The following PDXDC1 variants were observed in gnomAD, a reference collection of about 807,000 sequenced individuals.
PDXDC1 encodes the protein pyridoxal-dependent decarboxylase domain-containing protein 1.
Under a neutral mutation model 100.1 loss-of-function variants are expected in PDXDC1, and 42 were observed. The observed-to-expected ratio is 0.42, with a 90% CI of 0.33 to 0.54. The LOEUF is 0.54. PDXDC1 is among the 20% of genes least tolerant of loss of function. The pLI is 0.10. For missense variants in PDXDC1, 636 were observed against 979.2 expected (o/e 0.65, Z 4.68); for synonymous variants, 260 against 371.7 (o/e 0.70, Z 3.46).
intron 1 of PDXDC1, among the ~76,000 whole-genome samples, chr16:14,983,877 C>T (rs1482051995): frequency 1.0e-3 from 152 of 152,304 alleles, no homozygotes; most frequent in Non-Finnish European, 1.6e-3. Context: ...AGATACAAAG[C>T]ATTGACCTGG....
At chr16:15,075,249 C>CT (rs1567201836) in intron 16 of PDXDC1, among the ~76,000 whole-genome samples, 13 of 135,260 alleles carry the variant, frequency 9.6e-5, no homozygotes, top group South Asian at 2.4e-4. Context: ...CTGTGCCCCA[C>CT]CAAAAAAAAA....
intron 12 of PDXDC1, among the ~76,000 whole-genome samples, chr16:15,020,142 C>CA (rs2042080445): frequency 7.2e-6 from 1 of 138,490 alleles, no homozygotes; most frequent in African/African-American, 2.6e-5. Flanking sequence ...AAAAAAAAGC[C>CA]AAAAAACAGG....
At chr16:15,147,448 G>A in the PDXDC1 span, among the ~76,000 whole-genome samples, 1 of 152,228 alleles carries the variant, frequency 6.6e-6, no homozygotes, top group African/African-American at 2.4e-5. Flanking sequence ...GTGCCGTGAT[G>A]AGCTATGGAG....
rs575275997 is a variant in PDXDC1, at chr16:15,078,036, A to G, written c.1399+47980A>G. ...TGCATGATGCAATATTTATTTTGGTATATCACCATTCAAATATCTTAACAT... is the reference window on the plus strand; with the variant it reads ...TGCATGATGCAATATTTATTTTGGTGTATCACCATTCAAATATCTTAACAT... On this transcript the variant is annotated intron_variant, in intron 16 of 16. Coordinates refer to the PDXDC1 transcript ENST00000535621. Among the ~76,000 whole-genome samples the G allele has an allele frequency of 5.1e-4, 77 of 152,334 alleles. 1 individual carries two copies. Among genetic ancestry groups the G allele is most frequent in the South Asian group, 4.1e-4 (2 of 4,830 alleles).
intron 16 of PDXDC1, among the ~76,000 whole-genome samples, chr16:15,102,607 T>G (rs1464154758): frequency 6.6e-6 from 1 of 151,316 alleles, no homozygotes; most frequent in Non-Finnish European, 1.5e-5. Flanking sequence ...GGACAGGGCA[T>G]GGTGGGGCCA....
At chr16:15,022,301 CG>C (rs1238063206) in intron 12 of PDXDC1, among the ~76,000 whole-genome samples, 2 of 152,294 alleles carry the variant, frequency 1.3e-5, no homozygotes, top group Non-Finnish European at 2.9e-5. Flanking sequence ...TTGACTTATC[CG>C]TGGTCCTGCA....
At chr16:15,137,444 G>A in intron 16 of PDXDC1, 5 of 1,237,604 alleles carry the variant, frequency 4.0e-6, no homozygotes, top group Non-Finnish European at 5.7e-6. Context: ...GGCGCTGCAG[G>A]CCTCTGGCTG....
At chr16:15,017,598 A>G (rs1474605055) in intron 11 of PDXDC1, among the ~76,000 whole-genome samples, 176 bp downstream of exon 11, 1 of 152,278 alleles carries the variant, frequency 6.6e-6, no homozygotes, top group African/African-American at 2.4e-5. Context: ...ATGATTGTAT[A>G]ATATTCTGTC....
intron 12 of PDXDC1, 38 bp downstream of exon 12, chr16:15,019,003 G>A: frequency 6.3e-7 from 1 of 1,597,298 alleles, no homozygotes. Flanking sequence ...AAGACTCCTT[G>A]GCCACAGCAG....
rs1344619007 is a variant in PDXDC1 at position 15,130,576 on chromosome 16, G to A, written c.1400-8303G>A. On this transcript the variant is annotated intron_variant, in intron 16 of 16. Coordinates refer to the PDXDC1 transcript ENST00000535621. ...GCCGTCCCCACAGGGCCTGTAACCC[G>A]GGCAATGCTGACCCATGATGCCCTG... is the stretch of plus-strand genomic sequence containing the variant. 19 of 1,364,690 alleles carry A rather than the reference G, an allele frequency of 1.4e-5. No homozygotes were observed. In the African/African-American group the frequency reaches 1.4e-4, roughly 10 times the overall value. The allele number at this position is 1,364,690 out of a possible 1,614,324, so 84.5% of individuals were successfully genotyped here. A position where few individuals can be genotyped will look rare whatever the true frequency, so the allele number is the denominator to read the frequency against.
intron 16 of PDXDC1, among the ~76,000 whole-genome samples, chr16:15,081,224 G>A (rs1340661279): frequency 2.0e-5 from 3 of 152,098 alleles, no homozygotes; most frequent in Non-Finnish European, 4.4e-5. Context: ...TTTCTCTTGG[G>A]TATAAACCCA....
At chr16:15,111,379 C>A (rs145121616) in intron 16 of PDXDC1, among the ~76,000 whole-genome samples, 1 of 146,452 alleles carries the variant, frequency 6.8e-6, no homozygotes, top group Non-Finnish European at 1.5e-5. Context: ...TCACTTGAAC[C>A]CAGCAGGAAA....
chr16:15,061,555 G>A, intron 16 of PDXDC1: 1 of 484,000 alleles, frequency 2.1e-6, no homozygotes, highest in Non-Finnish European at 3.7e-6. Flanking sequence ...TGTCTGTAAG[G>A]GGAACAACAA....
chr16:15,141,126 G>A (rs2048468029), downstream of PDXDC1, among the ~76,000 whole-genome samples: 2 of 134,340 alleles, frequency 1.5e-5, no homozygotes, highest in Non-Finnish European at 3.4e-5. Flanking sequence ...CCCAGCCCCT[G>A]CCGGCCTCCA....
intron 19 of PDXDC1, 130 bp from the exon 20 acceptor site, chr16:15,034,156 T>TA: frequency 1.4e-6 from 1 of 726,540 alleles, no homozygotes; most frequent in Non-Finnish European, 2.3e-6. Flanking sequence ...CTGTTCGTTT[T>TA]ACGCCGGCTT....
intron 16 of PDXDC1, chr16:15,132,868 C>A (rs1175975096): frequency 1.9e-6 from 3 of 1,591,228 alleles, no homozygotes; most frequent in Non-Finnish European, 2.6e-6. Flanking sequence ...CCAGGGCCCG[C>A]TCGTACTGGG....
chr16:15,133,646 C>T (rs988812373), intron 16 of PDXDC1: 41 of 1,394,748 alleles, frequency 2.9e-5, no homozygotes, highest in Middle Eastern at 2.5e-4. Context: ...CTGGCGACAG[C>T]GCTGCAGCAG....
intron 16 of PDXDC1, chr16:15,108,217 T>C: frequency 3.6e-6 from 3 of 841,510 alleles, no homozygotes; most frequent in Non-Finnish European, 4.3e-6. Context: ...AAGGGTAAGT[T>C]TGCTGTGTTG....
intron 16 of PDXDC1, among the ~76,000 whole-genome samples, chr16:15,100,345 A>G (rs193264145): frequency 2.6e-5 from 4 of 152,362 alleles, no homozygotes; most frequent in Admixed American, 1.3e-4. Context: ...TCTCAACTAT[A>G]TATCTTTAGT....
Sources: allele counts gnomAD v4.1 joint callset (sites outside exome capture counted in the v4.1 genomes callset), GRCh38; gene constraint gnomAD v4.1.1; transcripts MANE v1.5; gene names NCBI Gene and HGNC (gene_info 2026-07-23, HGNC 2026-07-21).